MDGA1: variants seen among roughly 807,000 people sequenced by gnomAD.
MDGA1 encodes MAM domain containing glycosylphosphatidylinositol anchor 1, also known as MAM domain-containing glycosylphosphatidylinositol anchor protein 1.
MDGA1 carries 54 observed loss-of-function variants against 101.5 expected under a neutral mutation model. That is an observed-to-expected ratio of 0.53 (90% CI 0.43 to 0.67). MDGA1 has a LOEUF of 0.67. MDGA1 is among the 30% of genes least tolerant of loss of function. MDGA1 has a pLI of 0.00. For synonymous variants in MDGA1, 533 were observed against 558.3 expected (o/e 0.95, Z 0.64); for missense variants, 1,083 against 1,323.8 (o/e 0.82, Z 2.82).
At position 37,637,320 on chromosome 6, in the gene MDGA1, C is replaced by G; in HGVS notation, c.*48G>C. Reference sequence around the variant, plus strand: ...GTCAGTCTTTGGTACAATGTGGACACTTTGGTGTGCCGGGGGCAAGGTTGG... The same window carrying G: ...GTCAGTCTTTGGTACAATGTGGACAGTTTGGTGTGCCGGGGGCAAGGTTGG... On this transcript the variant is annotated 3_prime_UTR_variant, in exon 17 of 17. Transcript: ENST00000434837. The G allele has an allele frequency of 2.0e-6, 3 of 1,510,036 alleles. No homozygotes were observed. In the South Asian group the frequency reaches 3.4e-5, roughly 17 times the overall value. The allele number at this position is 1,510,036 out of a possible 1,614,324, so 93.5% of individuals were successfully genotyped here. A position where few individuals can be genotyped will look rare whatever the true frequency, so the allele number is the denominator to read the frequency against.
rs1763969403 is a variant in MDGA1 at position 37,638,002 on chromosome 6, G to A, written c.2776+203C>T. On this transcript the variant is annotated intron_variant, in intron 16 of 16. Transcript: ENST00000434837. This position sits in a 1 kb window ranked among gnomAD's most constrained non-coding sequence, Gnocchi z 4.8. ...CAGTATGCTCATCACGAGGGTGGGG[G>A]CCAGGCTTCTCATTGTTTACACAAG... is the stretch of plus-strand genomic sequence containing the variant. 1.6e-6 allele frequency: 1 copy of A among 610,326 alleles called. No homozygotes were observed. Among genetic ancestry groups the A allele is most frequent in the South Asian group, 2.1e-5 (1 of 47,872 alleles). 37.8% of individuals were successfully genotyped at this position (610,326 alleles called of 1,614,324 possible).
intron 14 of MDGA1, among the ~76,000 whole-genome samples, chr6:37,642,147 G>GTGTATATATATATA (rs1554132385): frequency 1.5e-5 from 2 of 135,394 alleles, no homozygotes; most frequent in African/African-American, 2.7e-5. Context: ...TTATATATAT[G>GTGTATATATATATA]TATATATATA....
At chr6:37,688,424 G>A (rs1214538964) in intron 1 of MDGA1, among the ~76,000 whole-genome samples, 1 of 152,152 alleles carries the variant, frequency 6.6e-6, no homozygotes, top group African/African-American at 2.4e-5. Context: ...TCTGGGCCTG[G>A]AAAGGAACCA....
Position 37,655,824 on chromosome 6 carries a change from G to T in MDGA1, c.455C>A (p.Thr152Lys), listed in dbSNP as rs753409763. 4 of 1,613,654 alleles carry T rather than the reference G, an allele frequency of 2.5e-6. No homozygotes were observed. The highest frequency in any genetic ancestry group is 3.4e-6 in the Non-Finnish European group (4 of 1,179,758). The stretch of plus-strand genomic sequence containing the variant: ...GTTGACAGTACAGCGCAGGAACACC[G>T]TCTTCTCCTGGTAGAAGTTGCCTCG... ...DVRGNFYQEK[T>K]VFLRCTVNSN... Residue 152 changes from threonine (T) to lysine (K), a missense_variant, in exon 4 of 17, where the codon ACG becomes AAG. By Grantham distance (78) the Thr-to-Lys change is moderately conservative. Around this residue, in one of 3 missense-constraint regions of MDGA1, gnomAD observed 310 missense variants for 355.9 expected, o/e 0.87. Transcript: ENST00000434837. This position sits in a 1 kb window ranked among gnomAD's most constrained non-coding sequence, Gnocchi z 5.1.
At chr6:37,670,884 C>T (rs569110244) in intron 1 of MDGA1, among the ~76,000 whole-genome samples, 1 of 152,330 alleles carries the variant, frequency 6.6e-6, no homozygotes, top group African/African-American at 2.4e-5. Context: ...ACTGAGACAG[C>T]AGCACAGCCG....
At chr6:37,679,442 C>T (rs1762047573) in intron 1 of MDGA1, among the ~76,000 whole-genome samples, 2 of 152,044 alleles carry the variant, frequency 1.3e-5, no homozygotes, top group South Asian at 2.1e-4. Flanking sequence ...GTCTCCAAGC[C>T]CTGTACAGTA....
At chr6:37,645,034 T>C (rs1761159236) in intron 12 of MDGA1, among the ~76,000 whole-genome samples, 1 of 152,238 alleles carries the variant, frequency 6.6e-6, no homozygotes, top group Non-Finnish European at 1.5e-5. Flanking sequence ...CAAGATCTAG[T>C]GTTAGGTCTA....
In MDGA1 at chr6:37,696,970, G is replaced by A. The variant is rs1407148308; in HGVS notation, c.-159C>T. Reference sequence around the variant, plus strand: ...ACCAGGAGACTGAAGAGGCGGAGGTGGCGGCGACCCGTGTTTCTCCTCCGG... The same window carrying A: ...ACCAGGAGACTGAAGAGGCGGAGGTAGCGGCGACCCGTGTTTCTCCTCCGG... On this transcript the variant is annotated 5_prime_UTR_variant, in exon 1 of 17. Transcript: ENST00000434837. The surrounding 1 kb of genome is among the most constrained non-coding windows in gnomAD (Gnocchi z 5.6). 3.5e-5 allele frequency: 22 copies of A among 625,138 alleles called. No individual in the cohort carries two copies. Among genetic ancestry groups the A allele is most frequent in the Non-Finnish European group, 1.1e-5 (4 of 356,932 alleles). The allele number at this position is 625,138 out of a possible 1,614,324, so 38.7% of individuals were successfully genotyped here. A position where few individuals can be genotyped will look rare whatever the true frequency, so the allele number is the denominator to read the frequency against.
chr6:37,683,165 C>T (rs148935313), intron 1 of MDGA1, among the ~76,000 whole-genome samples: 9 of 152,282 alleles, frequency 5.9e-5, no homozygotes, highest in African/African-American at 9.6e-5. Flanking sequence ...GATGCTCAAC[C>T]CTGTCCTCCG....
rs772895192 is a variant in MDGA1 at position 37,644,571 on chromosome 6, T to C, written c.2327A>G (p.Gln776Arg). 1 of 1,609,774 alleles carries C rather than the reference T, an allele frequency of 6.2e-7. No individual in the cohort carries two copies. Among genetic ancestry groups the C allele is most frequent in the Non-Finnish European group, 8.5e-7 (1 of 1,178,014 alleles). The change falls in exon 13 of 17, where the codon CAG (glutamine) becomes CGG (arginine). Residue 776 changes from glutamine to arginine, a missense_variant. By Grantham distance (43) the Gln-to-Arg change is conservative. This residue lies in a region of MDGA1 where 657 missense variants were observed against 771.4 expected (regional missense o/e 0.85). Coordinates refer to ENST00000434837, the MANE Select transcript of MDGA1 (RefSeq NM_153487.4). ...DLTDNFDWTR[Q>R]NALTQNPKRS... ...TTTGGGGTTCTGGGTGAGGGCATTCTGCCGCGTCCAGTCAAAGTTGTCTGT... is the reference window on the plus strand; with the variant it reads ...TTTGGGGTTCTGGGTGAGGGCATTCCGCCGCGTCCAGTCAAAGTTGTCTGT...
intron 13 of MDGA1, among the ~76,000 whole-genome samples, chr6:37,644,147 CCCCCACGCATCCTGCCTCA>C (rs1252941172): frequency 1.3e-4 from 16 of 126,468 alleles, no homozygotes; most frequent in Admixed American, 2.4e-4. Context: ...TCCTGCCTCA[CCCCCACGCATCCTGCCTCA>C]CCCCACGCAT....
In MDGA1 at chr6:37,644,484, G is replaced by T. The variant is rs1047117411; in HGVS notation, c.2401+13C>A. 6.5e-7 allele frequency: 1 copy of T among 1,543,996 alleles called. No individual in the cohort carries two copies. The highest frequency in any genetic ancestry group is 2.4e-5 in the East Asian group (1 of 41,596). On this transcript the variant is annotated intron_variant, in intron 13 of 16. Coordinates refer to ENST00000434837, the MANE Select transcript of MDGA1 (RefSeq NM_153487.4). ...AGCAATCCTCCATTTCTGGCAGCAG[G>T]CCAGGTCCTCACCCTCAGGGGTGCC...
chr6:37,681,537 T>A (rs752974789), intron 1 of MDGA1, among the ~76,000 whole-genome samples: 1 of 152,214 alleles, frequency 6.6e-6, no homozygotes, highest in Non-Finnish European at 1.5e-5. Flanking sequence ...CTACCACACA[T>A]ATACATAGTT....
intron 12 of MDGA1, 69 bp downstream of exon 12, chr6:37,645,864 T>A: frequency 6.4e-7 from 1 of 1,560,114 alleles, no homozygotes; most frequent in South Asian, 1.1e-5. Context: ...CCTATCTCCT[T>A]TCTCTCACCA....
Position 37,663,970 on chromosome 6 carries a change from G to A in MDGA1, c.204C>T (p.Pro68=). 1 of 1,613,768 alleles carries A rather than the reference G, an allele frequency of 6.2e-7. No homozygotes were observed. The highest frequency in any genetic ancestry group is 8.5e-7 in the Non-Finnish European group (1 of 1,179,766). The change falls in exon 2 of 17, where the codon CCC becomes CCT. Residue 68 remains proline (P), a synonymous_variant. Transcript: ENST00000434837. The stretch of plus-strand genomic sequence containing the variant: ...CAAGGCTGGGCTGGGGGCTTACCTG[G>A]GGTCGAGGGTGCCCTGTTACAAGGC... ...LQCLVTGHPR[P]QVRWTKTAGS...
Position 37,673,238 on chromosome 6 carries a change from G to A in MDGA1, c.68-9132C>T, listed in dbSNP as rs567130586. On this transcript the variant is annotated intron_variant, in intron 1 of 16. Coordinates refer to ENST00000434837, the MANE Select transcript of MDGA1 (RefSeq NM_153487.4). ...CAGTGCAGGGCTCACAGCTCAGCAC[G>A]GAGCCTCCACATTCCTGGTGGGACC... is the stretch of plus-strand genomic sequence containing the variant. 4.6e-5 allele frequency among the ~76,000 whole-genome samples: 7 copies of A among 152,158 alleles called. No individual in the cohort carries two copies. The East Asian group carries it at 9.7e-4, about 21-fold the overall frequency.
chr6:37,674,252 C>T (rs962177848), intron 1 of MDGA1, among the ~76,000 whole-genome samples: 1 of 152,208 alleles, frequency 6.6e-6, no homozygotes, highest in East Asian at 1.9e-4. Context: ...CTCTGACCTC[C>T]GGGTACAAGG....
intron 13 of MDGA1, 87 bp downstream of exon 13, chr6:37,644,410 C>T (rs1472311641): frequency 7.5e-7 from 1 of 1,332,730 alleles, no homozygotes; most frequent in African/African-American, 1.5e-5. Flanking sequence ...CTGGAGCCGT[C>T]TCCCTTCATC....
At chr6:37,640,539 C>T (rs1201543005) in intron 14 of MDGA1, among the ~76,000 whole-genome samples, 1 of 152,070 alleles carries the variant, frequency 6.6e-6, no homozygotes, top group Non-Finnish European at 1.5e-5. Context: ...TGGGGTCTCG[C>T]TATGTTGCCC....
Sources: allele counts gnomAD v4.1 joint callset (sites outside exome capture counted in the v4.1 genomes callset), GRCh38; gene constraint gnomAD v4.1.1; regional missense constraint gnomAD v4.1.1; non-coding constraint Gnocchi (gnomAD v3.1); transcripts MANE v1.5; gene names NCBI Gene and HGNC (gene_info 2026-07-23, HGNC 2026-07-21).